ZFYVE16: variants seen among roughly 807,000 people sequenced by gnomAD.
ZFYVE16 encodes zinc finger FYVE domain-containing protein 16.
Under a neutral mutation model 138.1 loss-of-function variants are expected in ZFYVE16, and 89 were observed. The ratio of observed to expected loss-of-function variants is 0.64; its 90% CI spans 0.54 to 0.77. The LOEUF is 0.77. Among genes scored for constraint, ZFYVE16 ranks in the 30% least tolerant of loss-of-function variants. ZFYVE16 has a pLI of 0.00. For synonymous variants in ZFYVE16, 596 were observed against 618.3 expected (o/e 0.96, Z 0.53); for missense variants, 1,793 against 1,786.7 (o/e 1.00, Z -0.06).
chr5:80,457,461 T>C (rs530668849), intron 14 of ZFYVE16, among the ~76,000 whole-genome samples: 80 of 152,318 alleles, frequency 5.3e-4, no homozygotes, highest in Admixed American at 2.8e-3. Flanking sequence ...AAGGATAAGA[T>C]TGATTTATAA....
intron 15 of ZFYVE16, among the ~76,000 whole-genome samples, chr5:80,470,669 C>T (rs1461542737): frequency 2.6e-5 from 4 of 152,012 alleles, no homozygotes; most frequent in African/African-American, 7.3e-5. Flanking sequence ...CACCACCACA[C>T]CTGGCTAATT....
intron 1 of ZFYVE16, among the ~76,000 whole-genome samples, chr5:80,416,396 T>A (rs1257391268): frequency 1.3e-5 from 2 of 151,448 alleles, no homozygotes; most frequent in Admixed American, 6.6e-5. Flanking sequence ...GCTGGGATTA[T>A]AGGCACGCAG....
At chr5:80,428,048 G>A (rs1393600226) in intron 2 of ZFYVE16, among the ~76,000 whole-genome samples, 1 of 144,364 alleles carries the variant, frequency 6.9e-6, no homozygotes, top group Non-Finnish European at 1.5e-5. Context: ...ACAGCTCCCA[G>A]CGTGAGCGAC....
chr5:80,431,619 A>G (rs981291159), intron 2 of ZFYVE16, among the ~76,000 whole-genome samples: 6 of 152,198 alleles, frequency 3.9e-5, no homozygotes, highest in Non-Finnish European at 8.8e-5. Flanking sequence ...AATAAAGGGT[A>G]TTCAATTAGG....
intron 1 of ZFYVE16, among the ~76,000 whole-genome samples, chr5:80,408,625 G>A (rs1330077634): frequency 1.3e-5 from 2 of 152,200 alleles, no homozygotes; most frequent in African/African-American, 4.8e-5. Flanking sequence ...GTCCATTCCC[G>A]CACCCATGCA....
intron 2 of ZFYVE16, among the ~76,000 whole-genome samples, chr5:80,432,685 C>T (rs960263413): frequency 6.6e-6 from 1 of 152,136 alleles, no homozygotes; most frequent in Non-Finnish European, 1.5e-5. Flanking sequence ...GCAATCTACT[C>T]GTCTGACAAA....
At chr5:80,451,878 A>T in intron 11 of ZFYVE16, 169 bp downstream of exon 11, 1 of 621,976 alleles carries the variant, frequency 1.6e-6, no homozygotes, top group Non-Finnish European at 2.7e-6. Flanking sequence ...TGGTCTAGAT[A>T]ACTGTGGTAT....
At chr5:80,447,396 T>C (rs972791039) in intron 7 of ZFYVE16, among the ~76,000 whole-genome samples, 1 of 152,164 alleles carries the variant, frequency 6.6e-6, no homozygotes, top group Admixed American at 6.5e-5. Flanking sequence ...TAGCCGTAAT[T>C]ACCATGGGTA....
At chr5:80,442,069 T>A in intron 5 of ZFYVE16, 1 of 397,256 alleles carries the variant, frequency 2.5e-6, no homozygotes, top group South Asian at 1.0e-4. Flanking sequence ...TTAAAAAGTG[T>A]AAGAGTGATA....
chr5:80,479,558 A>G lies in ZFYVE16; in HGVS notation c.*2181A>G, dbSNP rs1755187277. Among the ~76,000 whole-genome samples, 1 of 152,228 alleles carries G rather than the reference A, an allele frequency of 6.6e-6. No individual in the cohort carries two copies. The highest frequency in any genetic ancestry group is 6.5e-5 in the Admixed American group (1 of 15,284). On this transcript the variant is annotated 3_prime_UTR_variant, in exon 19 of 19. Coordinates refer to ENST00000505560, the MANE Select transcript of ZFYVE16 (RefSeq NM_001284236.3). Reference sequence around the variant, plus strand: ...GAGAAAGAGTAGGATTTGGCCCTGTAGGAGCAAAGATTCAATTGTGGGAAA... The same window carrying G: ...GAGAAAGAGTAGGATTTGGCCCTGTGGGAGCAAAGATTCAATTGTGGGAAA...
Position 80,473,739 on chromosome 5 carries a change from T to C in ZFYVE16, c.4188-15T>C, listed in dbSNP as rs73767802. 2,697 of 1,549,088 alleles carry C rather than the reference T, an allele frequency of 1.7e-3. 42 individuals are homozygous for C. In the African/African-American group the frequency reaches 0.034, roughly 20 times the overall value. On this transcript the variant is annotated splice_polypyrimidine_tract_variant and intron_variant, in intron 16 of 18. Transcript: ENST00000505560. ...TGGTGCTAATAATTCTATTGTATTA[T>C]GTTTTATTTCATAGAGTTATCAGTT...
At chr5:80,415,791 T>G (rs1487838142) in intron 1 of ZFYVE16, among the ~76,000 whole-genome samples, 1 of 151,564 alleles carries the variant, frequency 6.6e-6, no homozygotes, top group Non-Finnish European at 1.5e-5. Flanking sequence ...CCTCAGCCTC[T>G]TGAGTAGCTG....
chr5:80,429,745 G>T (rs1036408829), intron 2 of ZFYVE16, among the ~76,000 whole-genome samples: 1 of 152,066 alleles, frequency 6.6e-6, no homozygotes, highest in Admixed American at 6.6e-5. Context: ...CAAAATAAAG[G>T]GATGGAAAAA....
chr5:80,422,340 A>G (rs1377794326), intron 1 of ZFYVE16, among the ~76,000 whole-genome samples: 1 of 152,234 alleles, frequency 6.6e-6, no homozygotes, highest in Admixed American at 6.6e-5. Context: ...GCAGTTTCTT[A>G]TTAAGTATAC....
intron 3 of ZFYVE16, among the ~76,000 whole-genome samples, chr5:80,436,549 A>G (rs1454697928): frequency 6.6e-6 from 1 of 152,248 alleles, no homozygotes; most frequent in African/African-American, 2.4e-5. Context: ...GAAACAGCCA[A>G]TAATCACAAA....
rs544173703 is a variant in ZFYVE16, at chr5:80,419,731, T to A, written c.-93-7761T>A. On this transcript the variant is annotated intron_variant, in intron 1 of 18. Coordinates refer to ENST00000505560, the MANE Select transcript of ZFYVE16 (RefSeq NM_001284236.3). ...GATTAGTTTCTTGAGGCCTACAGAGTAGCTTGCTAGGATTTTAGTTGGGAT... is the reference window on the plus strand; with the variant it reads ...GATTAGTTTCTTGAGGCCTACAGAGAAGCTTGCTAGGATTTTAGTTGGGAT... Among the ~76,000 whole-genome samples the A allele has an allele frequency of 7.2e-5, 11 of 152,080 alleles. No homozygotes were observed. The East Asian group carries it at 1.4e-3, about 19-fold the overall frequency.
In ZFYVE16 at chr5:80,437,740, A is replaced by G. The variant is rs1750139917; in HGVS notation, c.1055A>G (p.Lys352Arg). The change falls in exon 4 of 19, where the codon AAG becomes AGG. Residue 352 changes from lysine (K) to arginine (R), a missense_variant. Physicochemically the swap from Lys to Arg is conservative, Grantham distance 26. This residue lies in a region of ZFYVE16 where 1,295 missense variants were observed against 1,204.3 expected (regional missense o/e 1.08). Transcript: ENST00000505560. The stretch of plus-strand genomic sequence containing the variant: ...GAAGACTCAAAAAGTTTAGACCTTA[A>G]GGATAATGATGTAATCCAAGATTCC... ...AQEDSKSLDLKDNDVIQDSSS... is the reference protein window; with the variant it reads ...AQEDSKSLDLRDNDVIQDSSS... 1 of 1,614,050 alleles carries G rather than the reference A, an allele frequency of 6.2e-7. No individual in the cohort carries two copies. The highest frequency in any genetic ancestry group is 1.7e-5 in the Admixed American group (1 of 60,008).
intron 5 of ZFYVE16, chr5:80,440,359 A>G: frequency 9.9e-7 from 1 of 1,013,540 alleles, no homozygotes; most frequent in Non-Finnish European, 1.2e-6. Context: ...AATCTAAATA[A>G]ACACTTACAG....
chr5:80,451,660 A>T lies in ZFYVE16; in HGVS notation c.3558A>T (p.Ala1186=). 6.2e-7 allele frequency: 1 copy of T among 1,613,958 alleles called. No individual in the cohort carries two copies. Residue 1186 remains alanine (A), a synonymous_variant, in exon 11 of 19, where the codon GCA becomes GCT. Transcript: ENST00000505560. ...TCCAGAAGCTTGAGATTCCCTGGGC[A>T]AAGGTTTTTCCTATGCGTTTAATGT... ...ILIQKLEIPW[A]KVFPMRLMLR... is the part of the protein sequence containing the mutation.
Sources: gnomAD v4.1 joint callset for allele counts (sites outside exome capture counted in the v4.1 genomes callset) on GRCh38, gnomAD v4.1.1 for gene constraint, gnomAD v4.1.1 regional missense constraint, MANE v1.5 for transcripts, NCBI Gene and HGNC (gene_info 2026-07-23, HGNC 2026-07-21) for gene names.